FOXP2: variants seen among roughly 807,000 people sequenced by gnomAD.
The protein encoded by FOXP2 is forkhead box P2.
In FOXP2, 12 loss-of-function variants were observed where a neutral mutation model predicts 115.8. The ratio of observed to expected loss-of-function variants is 0.10; its 90% CI spans 0.07 to 0.17. The LOEUF (loss-of-function observed/expected upper bound fraction) is 0.17, where lower values mean the gene tolerates loss of function less well. Among genes scored for constraint, FOXP2 ranks in the 10% least tolerant of loss-of-function variants. The pLI, the probability that FOXP2 is intolerant of heterozygous loss-of-function variation, is 1.00. For missense variants in FOXP2, 629 were observed against 843.5 expected, an observed-to-expected ratio of 0.75 and a Z score of 3.15; for synonymous variants, 328 against 297.7, an observed-to-expected ratio of 1.10 and a Z score of -1.05.
chr7:114,117,323 G>C (rs995137423), intron 1 of FOXP2, among the ~76,000 whole-genome samples: 1 of 151,572 alleles, frequency 6.6e-6, no homozygotes, highest in African/African-American at 2.4e-5. Context: ...CTGGGTTCAA[G>C]TGATTCTCAT....
At chr7:114,647,260 A>G (rs992641028) in intron 8 of FOXP2, among the ~76,000 whole-genome samples, 2 of 151,670 alleles carry the variant, frequency 1.3e-5, no homozygotes, top group South Asian at 4.1e-4. Flanking sequence ...TTTTTTTCAC[A>G]TTACATCTCA....
intron 1 of FOXP2, among the ~76,000 whole-genome samples, chr7:114,415,638 T>C (rs767290896): frequency 1.3e-5 from 2 of 151,868 alleles, no homozygotes; most frequent in Non-Finnish European, 2.9e-5. Flanking sequence ...TAAAAAAAAA[T>C]CTGCAAGATC....
intron 8 of FOXP2, among the ~76,000 whole-genome samples, chr7:114,649,646 T>A (rs1383881598): frequency 3.3e-5 from 5 of 152,142 alleles, no homozygotes; most frequent in Non-Finnish European, 5.9e-5. Flanking sequence ...TTACATTGTA[T>A]TTATATCTGA....
intron 1 of FOXP2, among the ~76,000 whole-genome samples, chr7:114,163,955 C>T (rs1792904584): frequency 6.6e-6 from 1 of 152,182 alleles, no homozygotes. Context: ...TTTAAAAGTT[C>T]AAATTCTACA....
intron 1 of FOXP2, among the ~76,000 whole-genome samples, chr7:114,271,230 G>T (rs946903071): frequency 1.3e-5 from 2 of 151,638 alleles, no homozygotes; most frequent in South Asian, 2.1e-4. Context: ...CAAACAAAGA[G>T]AGTTTTATTT....
chr7:114,425,595 G>C (rs1237878050), intron 1 of FOXP2, among the ~76,000 whole-genome samples: 1 of 151,652 alleles, frequency 6.6e-6, no homozygotes, highest in Admixed American at 6.6e-5. Context: ...TATTACTGTA[G>C]AGAAGGTAAT....
At chr7:114,237,139 G>T (rs1250460302) in intron 1 of FOXP2, among the ~76,000 whole-genome samples, 2 of 152,022 alleles carry the variant, frequency 1.3e-5, no homozygotes, top group Non-Finnish European at 2.9e-5. Context: ...AGACAATAAG[G>T]ATACAAATAT....
At chr7:114,200,850 C>T (rs950776309) in intron 1 of FOXP2, among the ~76,000 whole-genome samples, 5 of 152,170 alleles carry the variant, frequency 3.3e-5, no homozygotes, top group Non-Finnish European at 7.3e-5. Context: ...AAAGAAGCAT[C>T]TTTCATAATT....
chr7:114,650,969 T>C (rs1299964410), intron 8 of FOXP2, among the ~76,000 whole-genome samples: 2 of 152,078 alleles, frequency 1.3e-5, no homozygotes, highest in Admixed American at 1.3e-4. Context: ...AACCTTTTGT[T>C]TATAATAAAA....
At chr7:114,164,143 T>C (rs1792911367) in intron 1 of FOXP2, among the ~76,000 whole-genome samples, 1 of 152,176 alleles carries the variant, frequency 6.6e-6, no homozygotes, top group Non-Finnish European at 1.5e-5. Context: ...TTTAATCTTG[T>C]TACGTGGTGC....
intron 2 of FOXP2, among the ~76,000 whole-genome samples, chr7:114,393,705 G>C (rs191092005): frequency 5.9e-5 from 9 of 152,114 alleles, no homozygotes; most frequent in Non-Finnish European, 2.9e-5. Context: ...TGGAACCCAG[G>C]TTGAGAGAAG....
chr7:114,154,054 G>A (rs952698421), intron 1 of FOXP2, among the ~76,000 whole-genome samples: 2 of 152,130 alleles, frequency 1.3e-5, no homozygotes, highest in African/African-American at 4.8e-5. Context: ...TAGTTCAACT[G>A]ATCTGCATTT....
At chr7:114,128,239 C>T (rs1028520162) in intron 1 of FOXP2, among the ~76,000 whole-genome samples, 5 of 151,986 alleles carry the variant, frequency 3.3e-5, no homozygotes, top group African/African-American at 7.2e-5. Context: ...GCAAACAAAC[C>T]GAAGGAATTT....
intron 2 of FOXP2, among the ~76,000 whole-genome samples, chr7:114,345,914 G>A (rs1791335889): frequency 6.6e-6 from 1 of 151,608 alleles, no homozygotes; most frequent in Non-Finnish European, 1.5e-5. Flanking sequence ...CTTATTAAGA[G>A]TTATTTTGTG....
chr7:114,161,760 T>C (rs1167910205), upstream of FOXP2, among the ~76,000 whole-genome samples: 1 of 152,040 alleles, frequency 6.6e-6, no homozygotes, highest in Non-Finnish European at 1.5e-5. Flanking sequence ...GTGATCCAGG[T>C]AATGGCACAT....
In FOXP2 at chr7:114,087,995, C is replaced by T. The variant is rs1383733088; in HGVS notation, c.-247+157C>T. Among the ~76,000 whole-genome samples the T allele has an allele frequency of 4.6e-5, 7 of 152,034 alleles. No individual in the cohort carries two copies. In the East Asian group the frequency reaches 1.4e-3, roughly 29 times the overall value. On this transcript the variant is annotated intron_variant, in intron 1 of 19. Coordinates refer to the FOXP2 transcript ENST00000635638. ...AGGTCGACCTGGCCACCGCTTGGGA[C>T]GCTCCGCAGAATCCGGAATCCCCAA...
chr7:114,643,159 G>T (rs1336693912), intron 7 of FOXP2, among the ~76,000 whole-genome samples: 2 of 151,980 alleles, frequency 1.3e-5, no homozygotes, highest in Admixed American at 1.3e-4. Context: ...AAAGTTTGAT[G>T]GATGTAGTTT....
chr7:114,685,514 T>C (rs1808313479), intron 16 of FOXP2, among the ~76,000 whole-genome samples: 1 of 152,194 alleles, frequency 6.6e-6, no homozygotes, highest in African/African-American at 2.4e-5. Context: ...TTTATTTGTA[T>C]TGGCTAAAAT....
intron 2 of FOXP2, among the ~76,000 whole-genome samples, chr7:114,319,960 C>A (rs1440984774): frequency 6.6e-6 from 1 of 152,050 alleles, no homozygotes; most frequent in Non-Finnish European, 1.5e-5. Flanking sequence ...ATATTCAGGT[C>A]CCTGGGAAAT....
Sources: gnomAD v4.1 joint callset for allele counts (sites outside exome capture counted in the v4.1 genomes callset) on GRCh38, gnomAD v4.1.1 for gene constraint, MANE v1.5 for transcripts, NCBI Gene and HGNC (gene_info 2026-07-23, HGNC 2026-07-21) for gene names.